PALLD: variants seen among roughly 807,000 people sequenced by gnomAD.
The protein encoded by PALLD is palladin, cytoskeletal associated protein, also known as palladin.
PALLD carries 61 observed loss-of-function variants against 123.5 expected under a neutral mutation model. That is an observed-to-expected ratio of 0.49 (90% CI 0.40 to 0.61). PALLD has a LOEUF of 0.61. PALLD is among the 20% of genes least tolerant of loss of function. The pLI, the probability that PALLD is intolerant of heterozygous loss-of-function variation, is 0.00. For synonymous variants in PALLD, 465 were observed against 496.4 expected (o/e 0.94, Z 0.84); for missense variants, 1,273 against 1,377.0 (o/e 0.92, Z 1.20).
intron 2 of PALLD, among the ~76,000 whole-genome samples, chr4:168,667,211 T>C (rs896794372): frequency 1.3e-5 from 2 of 152,332 alleles, no homozygotes; most frequent in Middle Eastern, 3.4e-3. Context: ...TTCCGTGTCA[T>C]ATTTCACAAA....
chr4:168,822,014 G>A (rs1742795958), intron 10 of PALLD, among the ~76,000 whole-genome samples: 1 of 151,988 alleles, frequency 6.6e-6, no homozygotes, highest in Admixed American at 6.6e-5. Flanking sequence ...CCAGGCCATG[G>A]TGGGCTGGCC....
chr4:168,532,974 C>T (rs542424864), intron 2 of PALLD, among the ~76,000 whole-genome samples: 5 of 152,194 alleles, frequency 3.3e-5, no homozygotes, highest in African/African-American at 1.2e-4. Flanking sequence ...AGAGACAATT[C>T]TAAAAGCTTC....
chr4:168,526,885 A>G (rs142541567), intron 2 of PALLD, among the ~76,000 whole-genome samples: 1 of 152,326 alleles, frequency 6.6e-6, no homozygotes, highest in African/African-American at 2.4e-5. Context: ...AGACAAGGTG[A>G]AGGATTAGAA....
At chr4:168,862,157 G>T (rs72701902) in intron 10 of PALLD, among the ~76,000 whole-genome samples, 13,081 of 152,052 alleles carry the variant, frequency 0.086, 651 homozygotes, top group Middle Eastern at 0.2. Flanking sequence ...ATTTTAAAAA[G>T]AAAAAGTTGT....
At chr4:168,835,246 C>G (rs1744973934) in intron 10 of PALLD, among the ~76,000 whole-genome samples, 1 of 152,200 alleles carries the variant, frequency 6.6e-6, no homozygotes, top group African/African-American at 2.4e-5. Flanking sequence ...AATCACAATT[C>G]ACTATACTTC....
At chr4:168,589,877 C>A (rs1021566488) in intron 2 of PALLD, among the ~76,000 whole-genome samples, 10 of 152,212 alleles carry the variant, frequency 6.6e-5, no homozygotes, top group African/African-American at 2.4e-4. Flanking sequence ...TTCTGTATAC[C>A]TGCGTGCTGC....
intron 15 of PALLD, among the ~76,000 whole-genome samples, chr4:168,904,492 T>C (rs1048310195): frequency 2.0e-5 from 3 of 152,220 alleles, no homozygotes; most frequent in South Asian, 2.1e-4. Context: ...AGGAGGCTGC[T>C]GGGTATCATG....
chr4:168,769,714 TGACTCA>T (rs1195528460), intron 10 of PALLD, among the ~76,000 whole-genome samples: 2 of 152,164 alleles, frequency 1.3e-5, no homozygotes, highest in Admixed American at 1.3e-4. Context: ...CCCTCTGTGG[TGACTCA>T]GAAATCTCAA....
intron 2 of PALLD, among the ~76,000 whole-genome samples, chr4:168,608,344 C>T (rs1239568160): frequency 2.6e-5 from 4 of 152,178 alleles, no homozygotes; most frequent in Non-Finnish European, 4.4e-5. Context: ...CCATTTGCAT[C>T]TCAAGACGGT....
intron 19 of PALLD, 39 bp downstream of exon 19, chr4:168,924,459 A>G (rs1446593638): frequency 6.5e-7 from 1 of 1,547,244 alleles, no homozygotes; most frequent in Admixed American, 1.7e-5. Context: ...TTAACTGTTC[A>G]GTCCTAATGA....
rs748489494 is a variant in PALLD, at chr4:168,925,031, A to AGAAT, written c.3315_3318dup (p.Ala1107Ter). ...GCTGGGTGGTATACTGTGTCAGCCA[A>AGAAT]GAATGAAGCAGGGATTGTGTCCTGT... On this transcript the variant is annotated frameshift_variant, in exon 20 of 22. Coordinates refer to ENST00000505667, the MANE Select transcript of PALLD (RefSeq NM_001166108.2). LOFTEE classifies it high-confidence loss of function. 1 of 1,614,140 alleles carries AGAAT rather than the reference A, an allele frequency of 6.2e-7. No individual in the cohort carries two copies. Among genetic ancestry groups the AGAAT allele is most frequent in the Non-Finnish European group, 8.5e-7 (1 of 1,179,986 alleles).
Position 168,600,266 on chromosome 4 carries a change from A to G in PALLD, c.909-67924A>G, listed in dbSNP as rs935814910. Among the ~76,000 whole-genome samples the G allele has an allele frequency of 4.6e-5, 7 of 152,304 alleles. No individual in the cohort carries two copies. The South Asian group carries it at 8.3e-4, about 18-fold the overall frequency. ...TATTTATACAGATTTTTCAACAGTT[A>G]CATGTTCTACCATTCCTAGTGGCTA... is the stretch of plus-strand genomic sequence containing the variant. On this transcript the variant is annotated intron_variant, in intron 2 of 21. Coordinates refer to ENST00000505667, the MANE Select transcript of PALLD (RefSeq NM_001166108.2).
intron 2 of PALLD, among the ~76,000 whole-genome samples, chr4:168,634,022 T>C (rs1292791290): frequency 2.0e-5 from 3 of 152,224 alleles, no homozygotes; most frequent in Non-Finnish European, 4.4e-5. Flanking sequence ...TGTGATGTGA[T>C]GGCAGATGGC....
intron 2 of PALLD, among the ~76,000 whole-genome samples, chr4:168,601,276 G>T (rs919002819): frequency 2.6e-5 from 4 of 152,180 alleles, no homozygotes; most frequent in East Asian, 1.9e-4. Context: ...AGAACAGCTT[G>T]TGCACAAATG....
intron 10 of PALLD, among the ~76,000 whole-genome samples, chr4:168,811,774 TCTCACACACA>T (rs1282049032): frequency 2.7e-5 from 3 of 109,382 alleles, no homozygotes; most frequent in Non-Finnish European, 6.4e-5. Flanking sequence ...TCTCTCTCTC[TCTCACACACA>T]CACACACACA....
At chr4:168,781,758 A>G (rs1442878796) in intron 10 of PALLD, among the ~76,000 whole-genome samples, 1 of 152,206 alleles carries the variant, frequency 6.6e-6, no homozygotes, top group Non-Finnish European at 1.5e-5. Context: ...CAGGCAATTC[A>G]GAACACAGCT....
chr4:168,599,906 A>C (rs1037693150), intron 2 of PALLD, among the ~76,000 whole-genome samples: 5 of 152,178 alleles, frequency 3.3e-5, no homozygotes, highest in Admixed American at 3.3e-4. Context: ...TATATCACAC[A>C]CACACACATA....
chr4:168,717,448 G>A (rs911616164), intron 10 of PALLD, among the ~76,000 whole-genome samples: 1 of 152,004 alleles, frequency 6.6e-6, no homozygotes, highest in African/African-American at 2.4e-5. Context: ...CATCCTGGGT[G>A]CAAGTCATTC....
intron 10 of PALLD, chr4:168,829,146 G>T (rs1441079659): frequency 1.3e-5 from 2 of 152,228 alleles, no homozygotes. Context: ...CACGGTTCGT[G>T]TGTAAAACCT....
Sources: gnomAD v4.1 joint callset for allele counts (sites outside exome capture counted in the v4.1 genomes callset) on GRCh38, gnomAD v4.1.1 for gene constraint, MANE v1.5 for transcripts, NCBI Gene and HGNC (gene_info 2026-07-23, HGNC 2026-07-21) for gene names.